Variants in APC observed in about 807,000 individuals in gnomAD.
APC encodes APC regulator of Wnt signaling pathway, also known as adenomatous polyposis coli protein.
A neutral mutation model predicts 247.0 loss-of-function variants in APC; 72 were observed. The observed-to-expected ratio is 0.29, with a 90% CI of 0.24 to 0.35. The LOEUF is 0.35. Ranked by LOEUF, APC falls within the 10% of genes least tolerant of loss-of-function variation. The pLI is 1.00. For synonymous variants in APC, 1,254 were observed against 1,162.5 expected (o/e 1.08, Z -1.60); for missense variants, 3,400 against 3,360.7 (o/e 1.01, Z -0.29).
chr5:112,799,950 A>C (rs762611115), intron 7 of APC, among the ~76,000 whole-genome samples: 5 of 152,162 alleles, frequency 3.3e-5, no homozygotes, highest in Non-Finnish European at 5.9e-5. Flanking sequence ...GCACTTCCCA[A>C]GAGAGCTCTT....
At chr5:112,757,074 T>TG (rs1269124313) in intron 2 of APC, among the ~76,000 whole-genome samples, 1 of 152,146 alleles carries the variant, frequency 6.6e-6, no homozygotes, top group African/African-American at 2.4e-5. Context: ...TAGTGGCACT[T>TG]CAGATATACC....
At chr5:112,734,400 G>A (rs80235152), upstream of APC, among the ~76,000 whole-genome samples, 63 of 152,156 alleles carry the variant, frequency 4.1e-4, no homozygotes, top group East Asian at 0.011. Context: ...CTTTTCCATC[G>A]TACCATAACT....
rs1766240460 is a variant in APC at position 112,842,135 on chromosome 5, A to G, written c.6541A>G (p.Ile2181Val). 3.1e-6 allele frequency: 5 copies of G among 1,611,668 alleles called. No individual in the cohort carries two copies. Among genetic ancestry groups the G allele is most frequent in the Middle Eastern group, 1.7e-4 (1 of 6,054 alleles). ...GAAAAGTACATTGGAAACTAAAAAG[A>G]TAGAATCTGAAAGTAAAGGAATCAA... ...GEKSTLETKK[I>V]ESESKGIKGG... is the part of the protein sequence containing the mutation. Residue 2181 changes from isoleucine (I) to valine (V), a missense_variant, in exon 16 of 16, where the codon ATA becomes GTA. Ile to Val is a conservative substitution (Grantham distance 29, BLOSUM62 3). Around this residue, in one of 9 missense-constraint regions of APC, gnomAD observed 1,788 missense variants for 1,649.5 expected, o/e 1.08. Coordinates refer to ENST00000257430, the MANE Select transcript of APC (RefSeq NM_000038.6).
chr5:112,749,782 G>T (rs1581104706), intron 1 of APC, among the ~76,000 whole-genome samples: 1 of 151,718 alleles, frequency 6.6e-6, no homozygotes, highest in Middle Eastern at 3.4e-3. Flanking sequence ...ACCACGCCTG[G>T]TCCAATTTTT....
chr5:112,707,674 G>A lies in APC; in HGVS notation c.-44G>A, dbSNP rs1162218041. The A allele has an allele frequency of 1.5e-6, 2 of 1,370,262 alleles. No individual in the cohort carries two copies. The highest frequency in any genetic ancestry group is 1.9e-6 in the Non-Finnish European group (2 of 1,038,476). 84.9% of individuals were successfully genotyped at this position (1,370,262 alleles called of 1,614,324 possible). A position where few individuals can be genotyped will look rare whatever the true frequency, so the allele number is the denominator to read the frequency against. On this transcript the variant is annotated 5_prime_UTR_variant, in exon 1 of 14. Transcript: ENST00000507379. Reference sequence around the variant, plus strand: ...GGTACTGTTGTTGGCTGTTGGTGAGGAAGGTGAAGCACTCAGTTGCCTTCT... The same window carrying A: ...GGTACTGTTGTTGGCTGTTGGTGAGAAAGGTGAAGCACTCAGTTGCCTTCT...
At chr5:112,776,821 G>T (rs1470616197) in intron 5 of APC, among the ~76,000 whole-genome samples, 2 of 151,640 alleles carry the variant, frequency 1.3e-5, no homozygotes, top group East Asian at 3.9e-4. Context: ...ATCCAGCCTG[G>T]GTGACAGAGC....
At chr5:112,764,328 T>G (rs1451913299) in intron 2 of APC, among the ~76,000 whole-genome samples, 2 of 151,814 alleles carry the variant, frequency 1.3e-5, no homozygotes, top group South Asian at 2.1e-4. Flanking sequence ...GTTGAGCCAC[T>G]TGGGAAATTA....
At chr5:112,797,505 C>T (rs565547043) in intron 7 of APC, among the ~76,000 whole-genome samples, 16 of 152,110 alleles carry the variant, frequency 1.1e-4, no homozygotes, top group Admixed American at 2.6e-4. Flanking sequence ...AGATGCTGGA[C>T]GTGATTTAAG....
At chr5:112,749,776 C>T (rs1229147495) in intron 1 of APC, among the ~76,000 whole-genome samples, 5 of 151,888 alleles carry the variant, frequency 3.3e-5, no homozygotes, top group East Asian at 3.9e-4. Flanking sequence ...TGAGCCACCA[C>T]GCCTGGTCCA....
chr5:112,795,530 C>T (rs1453769441), intron 7 of APC, among the ~76,000 whole-genome samples: 3 of 152,182 alleles, frequency 2.0e-5, no homozygotes, highest in Admixed American at 2.0e-4. Flanking sequence ...TGACAGCCAC[C>T]CATCTTTTTG....
chr5:112,775,759 C>T, intron 5 of APC, 22 bp downstream of exon 5: 1 of 1,313,884 alleles, frequency 7.6e-7, no homozygotes, highest in Non-Finnish European at 1.1e-6. Flanking sequence ...GGCAGTACAA[C>T]TTATTTGAAA....
At chr5:112,722,514 C>T (rs1052763266) in intron 1 of APC, among the ~76,000 whole-genome samples, 1 of 152,052 alleles carries the variant, frequency 6.6e-6, no homozygotes, top group African/African-American at 2.4e-5. Context: ...CCAGAAATAC[C>T]ATCAGATCCC....
At chr5:112,733,016 G>A (rs1752173598), upstream of APC, among the ~76,000 whole-genome samples, 1 of 152,198 alleles carries the variant, frequency 6.6e-6, no homozygotes, top group African/African-American at 2.4e-5. Context: ...AAAGTTAAAT[G>A]ACTTTTCCAG....
chr5:112,802,131 G>A (rs1436497094), intron 8 of APC, among the ~76,000 whole-genome samples: 19 of 151,836 alleles, frequency 1.3e-4, no homozygotes, highest in Admixed American at 1.2e-3. Flanking sequence ...TGTTCTTAAA[G>A]GTAATTTTTC....
Position 112,842,313 on chromosome 5 carries a change from C to T in APC, c.6719C>T (p.Ser2240Phe), listed in dbSNP as rs779116760. 1.2e-6 allele frequency: 2 copies of T among 1,613,720 alleles called. No homozygotes were observed. Reference protein sequence around the residue: ...MIHIPGVRNSSSSTSPVSKKG... With the variant: ...MIHIPGVRNSFSSTSPVSKKG... ...CATATTCCAGGAGTTCGAAATAGCT[C>T]CTCAAGTACAAGTCCTGTTTCTAAA... Residue 2240 changes from serine to phenylalanine, a missense_variant, in exon 16 of 16, where the codon TCC becomes TTC. By Grantham distance (155) the Ser-to-Phe change is radical (BLOSUM62 -2). Around this residue, in one of 9 missense-constraint regions of APC, gnomAD observed 1,788 missense variants for 1,649.5 expected, o/e 1.08. Transcript: ENST00000257430.
chr5:112,769,964 G>C (rs1004073177), intron 4 of APC, among the ~76,000 whole-genome samples: 2 of 152,038 alleles, frequency 1.3e-5, no homozygotes, highest in African/African-American at 4.8e-5. Flanking sequence ...AGTGAACTTG[G>C]GTCCATAATC....
intron 9 of APC, among the ~76,000 whole-genome samples, chr5:112,818,367 C>T (rs1762719742): frequency 6.6e-6 from 1 of 152,140 alleles, no homozygotes; most frequent in African/African-American, 2.4e-5. Context: ...AAACTGACTA[C>T]AAATCCTGGC....
chr5:112,840,871 A>G lies in APC; in HGVS notation c.5277A>G (p.Ala1759=). 6.2e-7 allele frequency: 1 copy of G among 1,614,080 alleles called. No homozygotes were observed. Among genetic ancestry groups the G allele is most frequent in the Non-Finnish European group, 8.5e-7 (1 of 1,179,922 alleles). Residue 1759 remains alanine (A), a synonymous_variant, in exon 16 of 16, where the codon GCA becomes GCG. Transcript: ENST00000257430. The surrounding 1 kb of genome is among the most constrained non-coding windows in gnomAD (Gnocchi z 4.1). ...QVQQASASSS[A]PNKNQLDGKK... Reference sequence around the variant, plus strand: ...AGCAAGCATCTGCGTCTTCTTCTGCACCCAACAAAAATCAGTTAGATGGTA... The same window carrying G: ...AGCAAGCATCTGCGTCTTCTTCTGCGCCCAACAAAAATCAGTTAGATGGTA...
intron 6 of APC, among the ~76,000 whole-genome samples, chr5:112,782,143 G>A (rs949376338): frequency 6.6e-6 from 1 of 152,204 alleles, no homozygotes; most frequent in Non-Finnish European, 1.5e-5. Flanking sequence ...TCACAATCAT[G>A]GTGGAAGGCA....
Sources: allele counts gnomAD v4.1 joint callset (sites outside exome capture counted in the v4.1 genomes callset), GRCh38; gene constraint gnomAD v4.1.1; regional missense constraint gnomAD v4.1.1; non-coding constraint Gnocchi (gnomAD v3.1); transcripts MANE v1.5; gene names NCBI Gene and HGNC (gene_info 2026-07-23, HGNC 2026-07-21).